Variants in EDNRA observed in about 807,000 individuals in gnomAD.
The protein encoded by EDNRA is endothelin-1 receptor.
Under a neutral mutation model 41.4 loss-of-function variants are expected in EDNRA, and 11 were observed. The observed-to-expected ratio is 0.27, with a 90% CI of 0.17 to 0.44. EDNRA has a LOEUF of 0.44. Ranked by LOEUF, EDNRA falls within the 20% of genes least tolerant of loss-of-function variation. The pLI is 1.00. For missense variants in EDNRA, 294 were observed against 531.0 expected (o/e 0.55, Z 4.39); for synonymous variants, 172 against 183.0 (o/e 0.94, Z 0.49).
chr4:147,499,726 A>G (rs926083825), intron 2 of EDNRA, among the ~76,000 whole-genome samples: 2 of 152,130 alleles, frequency 1.3e-5, no homozygotes, highest in South Asian at 2.1e-4. Context: ...GAAAAAGGAA[A>G]AGGAGATGAT....
rs1731061452 is a variant in EDNRA at position 147,540,494 on chromosome 4, AT to A, written c.1143+14del. On this transcript the variant is annotated intron_variant, in intron 7 of 7. Coordinates refer to ENST00000651419, the MANE Select transcript of EDNRA (RefSeq NM_001957.4). ...TTAAAAATTGTTTCCAGGTAAGATG[AT>A]TTTTCAAGTATTTTTTAAAGACAAC... 2 of 1,584,048 alleles carry A rather than the reference AT, an allele frequency of 1.3e-6. No homozygotes were observed. The highest frequency in any genetic ancestry group is 1.7e-6 in the Non-Finnish European group (2 of 1,157,996).
Position 147,485,605 on chromosome 4 carries a change from G to A in EDNRA, c.-70-7G>A. 1 of 1,478,772 alleles carries A rather than the reference G, an allele frequency of 6.8e-7. No homozygotes were observed. The highest frequency in any genetic ancestry group is 1.4e-5 in the African/African-American group (1 of 70,898). 91.6% of individuals were successfully genotyped at this position (1,478,772 alleles called of 1,614,324 possible). A position where few individuals can be genotyped will look rare whatever the true frequency, so the allele number is the denominator to read the frequency against. ...TGGAACAAAAATTATTTTTCCTTTTGTTTCAGGTGAAAAAAAAGTGAAGGT... is the reference window on the plus strand; with the variant it reads ...TGGAACAAAAATTATTTTTCCTTTTATTTCAGGTGAAAAAAAAGTGAAGGT... On this transcript the variant is annotated splice_region_variant and splice_polypyrimidine_tract_variant and intron_variant, in intron 1 of 7. Coordinates refer to ENST00000651419, the MANE Select transcript of EDNRA (RefSeq NM_001957.4).
At chr4:147,536,767 A>G (rs1730936768) in intron 5 of EDNRA, among the ~76,000 whole-genome samples, 1 of 152,214 alleles carries the variant, frequency 6.6e-6, no homozygotes, top group Non-Finnish European at 1.5e-5. Context: ...GAACATGTCA[A>G]TAGGAGGCTA....
chr4:147,497,728 A>C (rs993890799), intron 2 of EDNRA, among the ~76,000 whole-genome samples: 5 of 151,960 alleles, frequency 3.3e-5, no homozygotes, highest in East Asian at 1.9e-4. Context: ...CCCGCCACCA[A>C]GCCTGGCTAA....
intron 3 of EDNRA, among the ~76,000 whole-genome samples, chr4:147,527,441 T>C (rs1170024550): frequency 3.9e-5 from 6 of 152,206 alleles, no homozygotes; most frequent in Admixed American, 1.3e-4. Flanking sequence ...GTATTTTTAA[T>C]GTAAATAAAG....
intron 2 of EDNRA, among the ~76,000 whole-genome samples, chr4:147,497,718 C>T (rs1362272830): frequency 1.3e-5 from 2 of 151,972 alleles, no homozygotes; most frequent in Non-Finnish European, 1.5e-5. Flanking sequence ...ACTACAGGTG[C>T]CCGCCACCAA....
Position 147,542,636 on chromosome 4 carries a change from C to G in EDNRA, c.*18C>G. The G allele has an allele frequency of 1.9e-6, 3 of 1,612,770 alleles. No homozygotes were observed. Among genetic ancestry groups the G allele is most frequent in the Non-Finnish European group, 2.5e-6 (3 of 1,179,496 alleles). ...TGAACTGACCACCCTTAGAAGCACT[C>G]CTCGGTACTCCCATAATCCTCTCGG... On this transcript the variant is annotated 3_prime_UTR_variant, in exon 8 of 8. Coordinates refer to ENST00000651419, the MANE Select transcript of EDNRA (RefSeq NM_001957.4).
intron 5 of EDNRA, among the ~76,000 whole-genome samples, chr4:147,536,791 C>T (rs1195331506): frequency 6.6e-6 from 1 of 152,106 alleles, no homozygotes; most frequent in Non-Finnish European, 1.5e-5. Context: ...TTGGTCCCTC[C>T]TGGGTGAAAT....
chr4:147,488,504 T>C (rs1036594058), intron 2 of EDNRA: 2 of 151,760 alleles, frequency 1.3e-5, no homozygotes, highest in Admixed American at 6.6e-5. Flanking sequence ...TTTTACATCA[T>C]AGGTAGGAGT....
At chr4:147,523,086 TGC>T (rs1730382310) in intron 3 of EDNRA, among the ~76,000 whole-genome samples, 2 of 152,236 alleles carry the variant, frequency 1.3e-5, no homozygotes, top group African/African-American at 4.8e-5. Flanking sequence ...AGTCAGCAAA[TGC>T]TGACAAGAAG....
At chr4:147,529,180 T>C (rs746773865) in intron 3 of EDNRA, among the ~76,000 whole-genome samples, 1 of 152,020 alleles carries the variant, frequency 6.6e-6, no homozygotes, top group Non-Finnish European at 1.5e-5. Context: ...TCTAACCCAA[T>C]GTTTGGGGCC....
At chr4:147,539,554 A>G (rs1348720164) in intron 5 of EDNRA, among the ~76,000 whole-genome samples, 3 of 152,018 alleles carry the variant, frequency 2.0e-5, no homozygotes, top group Non-Finnish European at 4.4e-5. Flanking sequence ...CTCCTGGCAT[A>G]TAACCTCCGT....
At chr4:147,522,116 T>A (rs1730343478) in intron 3 of EDNRA, among the ~76,000 whole-genome samples, 1 of 152,184 alleles carries the variant, frequency 6.6e-6, no homozygotes, top group South Asian at 2.1e-4. Context: ...TATCAATAAA[T>A]TATGCTATTT....
At position 147,543,182 on chromosome 4, in the gene EDNRA, A is replaced by T. The variant is rs1731172689; in HGVS notation, c.*564A>T. The T allele has an allele frequency of 1.3e-5, 2 of 152,204 alleles. No homozygotes were observed. The highest frequency in any genetic ancestry group is 6.5e-5 in the Admixed American group (1 of 15,284). The allele number at this position is 152,204 out of a possible 1,614,324, so 9.4% of individuals were successfully genotyped here. A position where few individuals can be genotyped will look rare whatever the true frequency, so the allele number is the denominator to read the frequency against. On this transcript the variant is annotated 3_prime_UTR_variant, in exon 8 of 8. Transcript: ENST00000651419. ...ACTTATTTACACATAGTTTGAAAAA[A>T]AAAAGACAAAAATAGTATTCAGGTG...
intron 5 of EDNRA, among the ~76,000 whole-genome samples, 160 bp downstream of exon 5, chr4:147,536,189 T>G (rs1036980420): frequency 3.9e-5 from 6 of 152,200 alleles, no homozygotes; most frequent in Admixed American, 1.3e-4. Flanking sequence ...GAAATTTCTT[T>G]TGTAAAATGG....
At chr4:147,520,610 T>C (rs1201122085) in intron 3 of EDNRA, among the ~76,000 whole-genome samples, 2 of 152,258 alleles carry the variant, frequency 1.3e-5, no homozygotes, top group Non-Finnish European at 2.9e-5. Flanking sequence ...CTTCTGGTTT[T>C]CATAGCAGCA....
intron 2 of EDNRA, among the ~76,000 whole-genome samples, chr4:147,502,088 T>A (rs1729536718): frequency 6.6e-6 from 1 of 152,150 alleles, no homozygotes; most frequent in Non-Finnish European, 1.5e-5. Flanking sequence ...TTTGTTCCTA[T>A]ATGCTAAGAT....
At chr4:147,541,837 G>A (rs1253769289) in intron 7 of EDNRA, among the ~76,000 whole-genome samples, 2 of 152,122 alleles carry the variant, frequency 1.3e-5, no homozygotes, top group Non-Finnish European at 2.9e-5. Context: ...TATATAAGGT[G>A]AAATTAATTA....
intron 4 of EDNRA, among the ~76,000 whole-genome samples, 159 bp downstream of exon 4, chr4:147,532,863 G>A (rs1578812864): frequency 6.6e-6 from 1 of 152,142 alleles, no homozygotes; most frequent in Non-Finnish European, 1.5e-5. Flanking sequence ...CCTGTGTCTA[G>A]ATTCTTGAAT....
Sources: allele counts gnomAD v4.1 joint callset (sites outside exome capture counted in the v4.1 genomes callset), GRCh38; gene constraint gnomAD v4.1.1; transcripts MANE v1.5; gene names NCBI Gene and HGNC (gene_info 2026-07-23, HGNC 2026-07-21).